The following PCDH19 variants were observed in gnomAD, a reference collection of about 807,000 sequenced individuals.
PCDH19 encodes the protein protocadherin-19.
In PCDH19, 6 loss-of-function variants were observed where a neutral mutation model predicts 46.2. That is an observed-to-expected ratio of 0.13 (90% CI 0.07 to 0.26). The LOEUF is 0.26. Ranked by LOEUF, PCDH19 falls within the 10% of genes least tolerant of loss-of-function variation. The pLI is 1.00. For missense variants in PCDH19, 740 were observed against 972.3 expected, an observed-to-expected ratio of 0.76 and a Z score of 3.18; for synonymous variants, 481 against 415.7, an observed-to-expected ratio of 1.16 and a Z score of -1.91.
chrX:100,300,307 A>C (rs1924734372), intron 5 of PCDH19, among the ~76,000 whole-genome samples: 1 of 112,320 alleles, frequency 8.9e-6, no homozygotes, highest in Admixed American at 9.4e-5. Flanking sequence ...GTAATTGTAT[A>C]GGACTTGTAA....
intron 4 of PCDH19, among the ~76,000 whole-genome samples, chrX:100,348,671 G>A (rs892915415): frequency 8.9e-5 from 10 of 111,804 alleles, no homozygotes; most frequent in African/African-American, 3.3e-4. Flanking sequence ...CCTTTTGTGT[G>A]TATGTGTCTA....
chrX:100,370,559 C>A lies in PCDH19; in HGVS notation c.2617-19855G>T, dbSNP rs1927187785. Among the ~76,000 whole-genome samples the A allele has an allele frequency of 7.2e-5, 8 of 111,594 alleles. No individual in the cohort carries two copies. In the South Asian group the frequency reaches 3.0e-3, roughly 42 times the overall value. The stretch of plus-strand genomic sequence containing the variant: ...TCTAAAGTTGCCAAAACTCTCATTT[C>A]AACTTGTTTCCCAGTTAATGTACCA... On this transcript the variant is annotated intron_variant, in intron 3 of 5. Coordinates refer to ENST00000373034, the MANE Select transcript of PCDH19 (RefSeq NM_001184880.2).
chrX:100,394,194 T>C (rs1173139346), intron 3 of PCDH19, among the ~76,000 whole-genome samples: 1 of 111,430 alleles, frequency 9.0e-6, no homozygotes, highest in Non-Finnish European at 1.9e-5. Flanking sequence ...GAAGCCGCGG[T>C]GCTAGTCCAT....
chrX:100,368,889 C>G (rs929113399), intron 3 of PCDH19, among the ~76,000 whole-genome samples: 1 of 111,349 alleles, frequency 9.0e-6, no homozygotes, highest in Non-Finnish European at 1.9e-5. Context: ...TCTCTTCCCC[C>G]CAAAGTTTCC....
chrX:100,342,135 C>T (rs1926271133), intron 4 of PCDH19, 60 bp from the exon 5 acceptor site: 1 of 1,070,657 alleles, frequency 9.3e-7, no homozygotes, highest in East Asian at 3.0e-5. Flanking sequence ...AAAAATCTTT[C>T]TGAGCCAGGA....
rs184389203 is a variant in PCDH19, at chrX:100,314,720, T to G, written c.2849-17845A>C. Among the ~76,000 whole-genome samples the G allele has an allele frequency of 1.2e-3, 129 of 111,372 alleles. 3 individuals are homozygous for G. Among genetic ancestry groups the G allele is most frequent in the African/African-American group, 4.0e-3 (123 of 30,654 alleles). On this transcript the variant is annotated intron_variant, in intron 5 of 5. Transcript: ENST00000373034. ...AATCCATGAACTGCAGGTTGTCAGC[T>G]CCCCCAGTGTATTTAAGATGGAATT...
At chrX:100,298,369 A>G (rs757180550) in intron 5 of PCDH19, among the ~76,000 whole-genome samples, 31 of 111,947 alleles carry the variant, frequency 2.8e-4, no homozygotes, top group Non-Finnish European at 5.4e-4. Flanking sequence ...TTTCAACACA[A>G]TTCTGGGCAT....
In PCDH19 at chrX:100,296,723, C is replaced by T; in HGVS notation, c.3001G>A (p.Asp1001Asn). 1 of 1,211,478 alleles carries T rather than the reference C, an allele frequency of 8.3e-7. No homozygotes were observed. The highest frequency in any genetic ancestry group is 1.1e-6 in the Non-Finnish European group (1 of 895,477). Residue 1001 changes from aspartate (D) to asparagine (N), a missense_variant, in exon 6 of 6, where the codon GAT becomes AAT. By Grantham distance (23) the Asp-to-Asn change is conservative. This residue lies in a region of PCDH19 where 416 missense variants were observed against 476.8 expected (regional missense o/e 0.87). Transcript: ENST00000373034. ...CCGCAGTCGTCATAAGCCTCGACAT[C>T]AGCAGCAGTAGCTTCAATAGACAGC... ...IALSIEATAADVEAYDDCGPT... is the reference protein window; with the variant it reads ...IALSIEATAANVEAYDDCGPT...
chrX:100,345,622 C>T (rs1926376669), intron 4 of PCDH19, among the ~76,000 whole-genome samples: 1 of 111,423 alleles, frequency 9.0e-6, no homozygotes, highest in Non-Finnish European at 1.9e-5. Flanking sequence ...TTACAAACAA[C>T]CTCAGAGATT....
chrX:100,391,863 T>C (rs1927872904), intron 3 of PCDH19, among the ~76,000 whole-genome samples: 1 of 112,284 alleles, frequency 8.9e-6, no homozygotes, highest in Admixed American at 9.4e-5. Flanking sequence ...GATTTCTAGA[T>C]GGTTATCTTT....
intron 5 of PCDH19, 75 bp downstream of exon 5, chrX:100,341,828 G>T: frequency 1.1e-6 from 1 of 919,591 alleles, no homozygotes; most frequent in Non-Finnish European, 1.6e-6. Flanking sequence ...ATTAAGCAAA[G>T]TAGTATAGTG....
chrX:100,371,013 G>GTA (rs1927204261), intron 3 of PCDH19, among the ~76,000 whole-genome samples: 2 of 109,989 alleles, frequency 1.8e-5, no homozygotes. Flanking sequence ...GTGTGTGTGT[G>GTA]TGTGTGTGTG....
At chrX:100,399,247 TTAA>T (rs2147530154) in intron 3 of PCDH19, among the ~76,000 whole-genome samples, 1 of 112,213 alleles carries the variant, frequency 8.9e-6, no homozygotes, top group African/African-American at 3.2e-5. Context: ...CTATAATTGC[TTAA>T]TAAATGTTGC....
rs201935963 is a variant in PCDH19, at chrX:100,359,807, GTGTA to G, written c.2617-9107_2617-9104del. On this transcript the variant is annotated intron_variant, in intron 3 of 5. Transcript: ENST00000373034. Reference sequence around the variant, plus strand: ...CACATATAAGAGTGTGTGTGTGTGTGTGTATGTGTGTGTGTGTGTGTCTGTGTAA... The same window carrying G: ...CACATATAAGAGTGTGTGTGTGTGTGTGTGTGTGTGTGTGTGTCTGTGTAA... 0.016 allele frequency among the ~76,000 whole-genome samples: 1,459 copies of G among 92,743 alleles called. 67 individuals are homozygous for G. In the East Asian group the frequency reaches 0.3, roughly 19 times the overall value. 80.5% of individuals were successfully genotyped at this position (92,743 alleles called of 115,157 possible). A position where few individuals can be genotyped will look rare whatever the true frequency, so the allele number is the denominator to read the frequency against.
intron 4 of PCDH19, among the ~76,000 whole-genome samples, chrX:100,343,355 C>A (rs1051690126): frequency 1.8e-5 from 2 of 112,069 alleles, no homozygotes; most frequent in African/African-American, 6.5e-5. Context: ...TGTTTCTCTG[C>A]AGAACCCTGA....
intron 3 of PCDH19, among the ~76,000 whole-genome samples, chrX:100,366,019 G>A (rs1237571128): frequency 1.8e-5 from 2 of 112,040 alleles, no homozygotes; most frequent in East Asian, 5.6e-4. Flanking sequence ...ATTAAGAAAA[G>A]TAATTGTTCC....
intron 3 of PCDH19, among the ~76,000 whole-genome samples, chrX:100,351,649 C>T (rs762425398): frequency 1.8e-5 from 2 of 112,321 alleles, no homozygotes; most frequent in East Asian, 5.6e-4. Flanking sequence ...ACCCTCTTGC[C>T]ATCCCACTAG....
intron 3 of PCDH19, among the ~76,000 whole-genome samples, chrX:100,399,884 G>A (rs1246093615): frequency 2.7e-5 from 3 of 111,945 alleles, no homozygotes; most frequent in Non-Finnish European, 5.6e-5. Context: ...GATTTTAAAC[G>A]GCTTTTCTAA....
intron 2 of PCDH19, 39 bp from the exon 3 acceptor site, chrX:100,402,890 T>C: frequency 5.7e-6 from 6 of 1,045,823 alleles, no homozygotes; most frequent in Non-Finnish European, 6.7e-6. Flanking sequence ...ACTAACACCC[T>C]CCCAAATCAT....
Sources: gnomAD v4.1 joint callset for allele counts (sites outside exome capture counted in the v4.1 genomes callset) on GRCh38, gnomAD v4.1.1 for gene constraint, gnomAD v4.1.1 regional missense constraint, MANE v1.5 for transcripts, NCBI Gene and HGNC (gene_info 2026-07-23, HGNC 2026-07-21) for gene names.